Variants in DOCK7 observed in about 807,000 individuals in gnomAD.
DOCK7 encodes dedicator of cytokinesis protein 7.
A neutral mutation model predicts 271.0 loss-of-function variants in DOCK7; 138 were observed. The ratio of observed to expected loss-of-function variants is 0.51; its 90% CI spans 0.44 to 0.59. The LOEUF is 0.59. Among genes scored for constraint, DOCK7 ranks in the 20% least tolerant of loss-of-function variants. The pLI, the probability that DOCK7 is intolerant of heterozygous loss-of-function variation, is 0.00. For synonymous variants in DOCK7, 823 were observed against 876.1 expected (o/e 0.94, Z 1.07); for missense variants, 2,066 against 2,592.4 (o/e 0.80, Z 4.41).
intron 27 of DOCK7, among the ~76,000 whole-genome samples, chr1:62,538,732 T>G (rs970697582): frequency 5.8e-4 from 88 of 152,324 alleles, no homozygotes; most frequent in African/African-American, 2.0e-3. Context: ...TTCAAAATTC[T>G]AAATATTAGA....
At chr1:62,552,591 T>C in intron 22 of DOCK7, 141 bp downstream of exon 22, 2 of 789,052 alleles carry the variant, frequency 2.5e-6, no homozygotes, top group Non-Finnish European at 3.7e-6. Flanking sequence ...CAGTGTTTAC[T>C]GATAGAACAG....
chr1:62,552,878 C>T lies in DOCK7; in HGVS notation c.2620G>A (p.Val874Met), dbSNP rs200836146. Residue 874 changes from valine (V) to methionine (M), a missense_variant, in exon 22 of 50, where the codon GTG becomes ATG. Val to Met is a conservative substitution (Grantham distance 21, BLOSUM62 1). This residue lies in a region of DOCK7 where 1,414 missense variants were observed against 1,670.4 expected (regional missense o/e 0.85). Coordinates refer to ENST00000635253, the MANE Select transcript of DOCK7 (RefSeq NM_001367561.1). ...SPGPGGLGGSVHYATMARSAV... is the reference protein window; with the variant it reads ...SPGPGGLGGSMHYATMARSAV... ...GATCTAGCCATTGTGGCATAATGCA[C>T]TGATCCTCCCAAACCCCCAGGACCT... 5.3e-5 allele frequency: 85 copies of T among 1,611,584 alleles called. 1 individual carries two copies. Among genetic ancestry groups the T allele is most frequent in the Non-Finnish European group, 4.6e-5 (54 of 1,178,784 alleles).
At chr1:62,586,759 CAT>C (rs1212444788) in intron 14 of DOCK7, 135 bp from the exon 15 acceptor site, 8 of 490,558 alleles carry the variant, frequency 1.6e-5, no homozygotes, top group South Asian at 1.3e-4. Flanking sequence ...AGTATTTTCA[CAT>C]GTGACGTTTT....
In DOCK7 at chr1:62,584,839, G is replaced by A. The variant is rs144665852; in HGVS notation, c.1801-1585C>T. ...ATGCTATGGTAGCACCAAAGAGGGA[G>A]AGGTCTAACTGTCGGTATAGGATGG... On this transcript the variant is annotated intron_variant, in intron 15 of 49. Transcript: ENST00000635253. 171 of 722,154 alleles carry A rather than the reference G, an allele frequency of 2.4e-4. 3 individuals carry two copies. In the African/African-American group the frequency reaches 2.5e-3, roughly 11 times the overall value. 44.7% of individuals were successfully genotyped at this position (722,154 alleles called of 1,614,324 possible). A position where few individuals can be genotyped will look rare whatever the true frequency, so the allele number is the denominator to read the frequency against.
At chr1:62,593,462 C>T (rs1419754009) in intron 14 of DOCK7, among the ~76,000 whole-genome samples, 5 of 151,946 alleles carry the variant, frequency 3.3e-5, no homozygotes, top group Admixed American at 2.6e-4. Context: ...TCCAGATACT[C>T]GGGAAGCTGA....
intron 15 of DOCK7, among the ~76,000 whole-genome samples, 182 bp downstream of exon 15, chr1:62,586,325 T>C (rs370420367): frequency 1.3e-5 from 2 of 152,254 alleles, no homozygotes; most frequent in East Asian, 3.9e-4. Flanking sequence ...ATATACCAAG[T>C]CTTCAAAAAT....
intron 14 of DOCK7, among the ~76,000 whole-genome samples, chr1:62,587,562 TACA>T (rs34619096): frequency 0.021 from 3,186 of 152,220 alleles, 116 homozygotes; most frequent in African/African-American, 0.072. Context: ...AGTAATTCAT[TACA>T]ACATTTTTGA....
chr1:62,522,918 A>G (rs1644895342), intron 31 of DOCK7, among the ~76,000 whole-genome samples: 1 of 152,282 alleles, frequency 6.6e-6, no homozygotes, highest in East Asian at 1.9e-4. Context: ...CAACGTTAGA[A>G]AACAGAATTT....
chr1:62,581,684 G>T (rs1260823801), intron 16 of DOCK7, among the ~76,000 whole-genome samples: 1 of 151,976 alleles, frequency 6.6e-6, no homozygotes, highest in East Asian at 1.9e-4. Context: ...AAGAATGAGG[G>T]TTAAGGGCAA....
intron 48 of DOCK7, among the ~76,000 whole-genome samples, chr1:62,473,139 T>G (rs1473875845): frequency 6.6e-6 from 1 of 152,216 alleles, no homozygotes; most frequent in Non-Finnish European, 1.5e-5. Context: ...GTCTTGGGGA[T>G]GGACACACCC....
At chr1:62,652,135 A>G (rs1333529519) in intron 4 of DOCK7, among the ~76,000 whole-genome samples, 1 of 152,218 alleles carries the variant, frequency 6.6e-6, no homozygotes, top group East Asian at 1.9e-4. Context: ...ACATGGTGGA[A>G]GAGGTTTCAG....
At chr1:62,554,535 C>A (rs1646074692) in intron 21 of DOCK7, among the ~76,000 whole-genome samples, 1 of 148,744 alleles carries the variant, frequency 6.7e-6, no homozygotes, top group Non-Finnish European at 1.5e-5. Context: ...AAAATCAAGC[C>A]TAACATCATC....
chr1:62,672,921 G>C (rs957279727), intron 1 of DOCK7, among the ~76,000 whole-genome samples: 14 of 151,972 alleles, frequency 9.2e-5, no homozygotes, highest in Admixed American at 9.2e-4. Context: ...CCTTTCACAG[G>C]TCAGTTAAAG....
chr1:62,651,493 C>G (rs1277367608), intron 4 of DOCK7, among the ~76,000 whole-genome samples: 3 of 137,284 alleles, frequency 2.2e-5, no homozygotes, highest in Admixed American at 7.6e-5. Flanking sequence ...TCGCATGGCT[C>G]GCAGACCTCT....
intron 1 of DOCK7, among the ~76,000 whole-genome samples, chr1:62,677,821 C>A (rs1660698272): frequency 6.6e-6 from 1 of 152,184 alleles, no homozygotes; most frequent in Non-Finnish European, 1.5e-5. Flanking sequence ...GAATGCTTTC[C>A]CTTTGAGATC....
chr1:62,667,969 G>A lies in DOCK7; in HGVS notation c.39-4839C>T, dbSNP rs541763575. 6.6e-5 allele frequency among the ~76,000 whole-genome samples: 10 copies of A among 152,114 alleles called. 1 individual carries two copies. Among genetic ancestry groups the A allele is most frequent in the Middle Eastern group, 6.8e-3 (2 of 294 alleles). ...AGGGAGCTGGAGGTTGCAGTGAGCC[G>A]AGATCATGCCACTACACTCCAGCCT... On this transcript the variant is annotated intron_variant, in intron 1 of 49. Coordinates refer to ENST00000635253, the MANE Select transcript of DOCK7 (RefSeq NM_001367561.1).
intron 48 of DOCK7, among the ~76,000 whole-genome samples, chr1:62,464,678 TC>T (rs1157377228): frequency 6.7e-6 from 1 of 149,402 alleles, no homozygotes; most frequent in African/African-American, 2.5e-5. Flanking sequence ...AGAGAATCCA[TC>T]CCCCCTAAAC....
intron 31 of DOCK7, among the ~76,000 whole-genome samples, chr1:62,521,838 C>T (rs1189327177): frequency 1.3e-5 from 2 of 151,980 alleles, no homozygotes; most frequent in African/African-American, 2.4e-5. Context: ...TAGTCAGGCA[C>T]AGTGGCAGGC....
chr1:62,588,888 G>A (rs1005384843), intron 14 of DOCK7, among the ~76,000 whole-genome samples: 1 of 151,944 alleles, frequency 6.6e-6, no homozygotes, highest in Non-Finnish European at 1.5e-5. Context: ...CTACAGGCAC[G>A]TGCCATCACA....
Sources: allele counts gnomAD v4.1 joint callset (sites outside exome capture counted in the v4.1 genomes callset), GRCh38; gene constraint gnomAD v4.1.1; regional missense constraint gnomAD v4.1.1; transcripts MANE v1.5; gene names NCBI Gene and HGNC (gene_info 2026-07-23, HGNC 2026-07-21).